The following SHISA9 variants were observed in gnomAD, a reference collection of about 807,000 sequenced individuals.
The protein encoded by SHISA9 is protein shisa-9.
In SHISA9, 13 loss-of-function variants were observed where a neutral mutation model predicts 38.0. That is an observed-to-expected ratio of 0.34 (90% CI 0.22 to 0.54). The LOEUF is 0.54. Ranked by LOEUF, SHISA9 falls within the 20% of genes least tolerant of loss-of-function variation. The probability of loss-of-function intolerance (pLI) is 0.91; values close to 1 mark genes in which losing one functional copy is unlikely to be tolerated. For synonymous variants in SHISA9, 275 were observed against 242.0 expected, an observed-to-expected ratio of 1.14 and a Z score of -1.27; for missense variants, 538 against 575.8, an observed-to-expected ratio of 0.93 and a Z score of 0.67.
At chr16:13,219,106 C>A (rs2051198299) in intron 4 of SHISA9, among the ~76,000 whole-genome samples, 2 of 152,308 alleles carry the variant, frequency 1.3e-5, no homozygotes, top group African/African-American at 4.8e-5. Flanking sequence ...TTTTGATGAG[C>A]TTCCTTGGGA....
At chr16:13,056,999 C>T (rs537905718) in intron 2 of SHISA9, among the ~76,000 whole-genome samples, 1 of 152,222 alleles carries the variant, frequency 6.6e-6, no homozygotes, top group South Asian at 2.1e-4. Context: ...GTGAGGCTAG[C>T]AAAGGGGAGT....
the SHISA9 span, among the ~76,000 whole-genome samples, chr16:13,311,382 A>T: frequency 6.6e-5 from 10 of 152,168 alleles, no homozygotes; most frequent in African/African-American, 1.9e-4. Context: ...TATTAGAAAT[A>T]TAAGCTTAAA....
chr16:12,980,683 T>C (rs958209102), intron 2 of SHISA9, among the ~76,000 whole-genome samples: 4 of 152,066 alleles, frequency 2.6e-5, no homozygotes, highest in African/African-American at 9.6e-5. Context: ...GGAGTCTTAT[T>C]ATTTTGACGT....
chr16:12,973,608 A>G (rs1292180176), intron 2 of SHISA9, among the ~76,000 whole-genome samples: 1 of 152,226 alleles, frequency 6.6e-6, no homozygotes, highest in East Asian at 1.9e-4. Context: ...GATGCTAGTG[A>G]TAGTTGCTTT....
At chr16:13,378,167 A>G in the SHISA9 span, among the ~76,000 whole-genome samples, 3 of 152,224 alleles carry the variant, frequency 2.0e-5, no homozygotes, top group Non-Finnish European at 4.4e-5. Context: ...AACTCAAACT[A>G]GTTGAGGTCA....
chr16:12,912,243 C>A (rs1209543634), intron 1 of SHISA9, among the ~76,000 whole-genome samples: 29 of 152,186 alleles, frequency 1.9e-4, no homozygotes, highest in Admixed American at 1.9e-3. Flanking sequence ...CCTAAAGACT[C>A]TTCATTTCTG....
the SHISA9 span, among the ~76,000 whole-genome samples, chr16:13,282,523 A>T: frequency 1.3e-5 from 2 of 152,140 alleles, no homozygotes; most frequent in African/African-American, 4.8e-5. Flanking sequence ...ACTGTTATAT[A>T]TTTATCACAC....
At chr16:13,267,271 A>T in the SHISA9 span, among the ~76,000 whole-genome samples, 1 of 152,244 alleles carries the variant, frequency 6.6e-6, no homozygotes, top group African/African-American at 2.4e-5. Context: ...GGAGGAATCA[A>T]AATGGCTTTA....
chr16:12,967,195 G>A lies in SHISA9; in HGVS notation c.691+50380G>A, dbSNP rs1416465525. Among the ~76,000 whole-genome samples, 190 of 152,190 alleles carry A rather than the reference G, an allele frequency of 1.2e-3. 2 individuals carry two copies. The highest frequency in any genetic ancestry group is 4.3e-4 in the Non-Finnish European group (29 of 68,042). ...CAATGATAGACTGGATTAAGAAAAT[G>A]TGGCACATATACGCCATGGAATACT... On this transcript the variant is annotated intron_variant, in intron 2 of 4. Coordinates refer to ENST00000558583, the MANE Select transcript of SHISA9 (RefSeq NM_001145204.3).
chr16:13,134,235 G>A (rs981417727), intron 2 of SHISA9, among the ~76,000 whole-genome samples: 3 of 152,028 alleles, frequency 2.0e-5, no homozygotes, highest in Non-Finnish European at 4.4e-5. Flanking sequence ...GTGAAATAGG[G>A]AACAGTAATA....
the SHISA9 span, among the ~76,000 whole-genome samples, chr16:13,298,609 C>A: frequency 3.9e-5 from 6 of 152,108 alleles, no homozygotes; most frequent in African/African-American, 1.4e-4. Flanking sequence ...GGATTTGAAC[C>A]CACTTTTGTC....
chr16:13,194,540 A>T (rs1351686638), intron 2 of SHISA9, among the ~76,000 whole-genome samples: 1 of 152,222 alleles, frequency 6.6e-6, no homozygotes, highest in Non-Finnish European at 1.5e-5. Context: ...TATATGGAAT[A>T]GTGTGGGGTA....
chr16:13,377,270 G>T, the SHISA9 span, among the ~76,000 whole-genome samples: 1 of 152,202 alleles, frequency 6.6e-6, no homozygotes, highest in African/African-American at 2.4e-5. Flanking sequence ...AAAGCTATGG[G>T]CTGATCCCTT....
chr16:12,976,311 G>A (rs2072160881), intron 2 of SHISA9, among the ~76,000 whole-genome samples: 1 of 152,078 alleles, frequency 6.6e-6, no homozygotes, highest in Non-Finnish European at 1.5e-5. Flanking sequence ...GGCTGATCTT[G>A]AGCTCCTGGC....
chr16:13,416,783 GGAA>G, the SHISA9 span, among the ~76,000 whole-genome samples: 176 of 88,030 alleles, frequency 2.0e-3, 1 homozygote, highest in East Asian at 6.0e-3. Flanking sequence ...AGGGAAGGAA[GGAA>G]GGAAGGGAAG....
At chr16:13,500,986 G>T in the SHISA9 span, among the ~76,000 whole-genome samples, 52 of 152,266 alleles carry the variant, frequency 3.4e-4, no homozygotes, top group Admixed American at 1.4e-3. Flanking sequence ...CACTATAGGA[G>T]CCTAATGTCA....
chr16:13,529,139 C>A, the SHISA9 span, among the ~76,000 whole-genome samples: 4 of 152,088 alleles, frequency 2.6e-5, no homozygotes, highest in Non-Finnish European at 5.9e-5. Context: ...ACACAATTAA[C>A]CAGAGTGAAT....
At chr16:13,045,593 A>G (rs2073177519) in intron 2 of SHISA9, among the ~76,000 whole-genome samples, 1 of 147,178 alleles carries the variant, frequency 6.8e-6, no homozygotes, top group Non-Finnish European at 1.5e-5. Flanking sequence ...TGGCTTACAG[A>G]TGATGAGGGA....
chr16:13,054,888 C>T (rs895569680), intron 2 of SHISA9, among the ~76,000 whole-genome samples: 1 of 152,186 alleles, frequency 6.6e-6, no homozygotes, highest in Admixed American at 6.5e-5. Context: ...ATGCTATCCC[C>T]ACTGGTTCAC....
Sources: gnomAD v4.1 joint callset for allele counts (sites outside exome capture counted in the v4.1 genomes callset) on GRCh38, gnomAD v4.1.1 for gene constraint, MANE v1.5 for transcripts, NCBI Gene and HGNC (gene_info 2026-07-23, HGNC 2026-07-21) for gene names.